CCDC91: variants seen among roughly 807,000 people sequenced by gnomAD.
CCDC91 encodes coiled-coil domain containing 91.
Under a neutral mutation model 63.2 loss-of-function variants are expected in CCDC91, and 48 were observed. The observed-to-expected ratio is 0.76, with a 90% CI of 0.60 to 0.97. The LOEUF is 0.97. Ranked by LOEUF, CCDC91 falls within the 50% of genes least tolerant of loss-of-function variation. CCDC91 has a pLI of 0.00. For synonymous variants in CCDC91, 167 were observed against 165.8 expected, an observed-to-expected ratio of 1.01 and a Z score of -0.06; for missense variants, 500 against 494.6, an observed-to-expected ratio of 1.01 and a Z score of -0.10.
At chr12:28,380,340 T>G (rs1945221937) in intron 7 of CCDC91, among the ~76,000 whole-genome samples, 1 of 151,896 alleles carries the variant, frequency 6.6e-6, no homozygotes, top group African/African-American at 2.4e-5. Context: ...AAAAAAGATG[T>G]GTAGAGTTTA....
chr12:28,327,116 T>C (rs1157483391), intron 6 of CCDC91, among the ~76,000 whole-genome samples: 2 of 151,982 alleles, frequency 1.3e-5, no homozygotes, highest in East Asian at 1.9e-4. Flanking sequence ...CCAATACTTG[T>C]CATAGTGATA....
intron 11 of CCDC91, among the ~76,000 whole-genome samples, chr12:28,455,615 A>T (rs1211521760): frequency 6.6e-6 from 1 of 152,126 alleles, no homozygotes; most frequent in East Asian, 1.9e-4. Flanking sequence ...AAGTTTCATT[A>T]AGTTGCCTTT....
intron 3 of CCDC91, among the ~76,000 whole-genome samples, chr12:28,286,244 C>T (rs1054037647): frequency 1.3e-5 from 2 of 151,760 alleles, no homozygotes; most frequent in African/African-American, 4.8e-5. Flanking sequence ...TTCAAGGTTA[C>T]GTGTGAAGGT....
intron 12 of CCDC91, among the ~76,000 whole-genome samples, chr12:28,484,735 A>C (rs1951629494): frequency 6.6e-6 from 1 of 151,968 alleles, no homozygotes; most frequent in Non-Finnish European, 1.5e-5. Flanking sequence ...AAACTAATGG[A>C]TCTAACTTGA....
chr12:28,547,484 C>T (rs1943071128), intron 12 of CCDC91, among the ~76,000 whole-genome samples: 1 of 152,136 alleles, frequency 6.6e-6, no homozygotes, highest in East Asian at 1.9e-4. Context: ...GTGCCAGACC[C>T]CCTCTAGATG....
intron 1 of CCDC91, among the ~76,000 whole-genome samples, chr12:28,211,696 A>G (rs1251556793): frequency 6.6e-6 from 1 of 151,902 alleles, no homozygotes; most frequent in Non-Finnish European, 1.5e-5. Context: ...CTAGAAATTA[A>G]GGATCCCATT....
chr12:28,297,107 T>G (rs1241496956), intron 3 of CCDC91, among the ~76,000 whole-genome samples: 1 of 151,942 alleles, frequency 6.6e-6, no homozygotes, highest in Non-Finnish European at 1.5e-5. Flanking sequence ...AGTTACAAGA[T>G]ATAAAAATCA....
At chr12:28,442,136 G>T (rs1483503998) in intron 8 of CCDC91, among the ~76,000 whole-genome samples, 2 of 152,018 alleles carry the variant, frequency 1.3e-5, no homozygotes, top group African/African-American at 2.4e-5. Flanking sequence ...ATGTTTAAGT[G>T]TGAAAAGACC....
intron 3 of CCDC91, among the ~76,000 whole-genome samples, chr12:28,297,125 A>G (rs1239563678): frequency 6.6e-6 from 1 of 151,974 alleles, no homozygotes; most frequent in African/African-American, 2.4e-5. Context: ...TCATTATTTT[A>G]TTGGCATATT....
At chr12:28,207,181 A>G (rs1942920702) in intron 1 of CCDC91, among the ~76,000 whole-genome samples, 1 of 152,234 alleles carries the variant, frequency 6.6e-6, no homozygotes, top group Non-Finnish European at 1.5e-5. Context: ...TAAGAGTCTA[A>G]TGATAGTAGA....
chr12:28,280,991 T>TAAA (rs1948575970), intron 3 of CCDC91, among the ~76,000 whole-genome samples: 1 of 151,998 alleles, frequency 6.6e-6, no homozygotes, highest in South Asian at 2.1e-4. Flanking sequence ...AATAAATAAA[T>TAAA]AAAAAGATAT....
intron 6 of CCDC91, among the ~76,000 whole-genome samples, chr12:28,331,421 T>G (rs1485562220): frequency 6.6e-6 from 1 of 152,208 alleles, no homozygotes; most frequent in Non-Finnish European, 1.5e-5. Context: ...GCAAAAGTAT[T>G]GTATTCTATG....
rs530392632 is a variant in CCDC91 at position 28,463,263 on chromosome 12, C to T, written c.1101+10609C>T. 3.3e-5 allele frequency among the ~76,000 whole-genome samples: 5 copies of T among 152,242 alleles called. No individual in the cohort carries two copies. In the East Asian group the frequency reaches 7.7e-4, roughly 24 times the overall value. On this transcript the variant is annotated intron_variant, in intron 11 of 12. Transcript: ENST00000536442. The stretch of plus-strand genomic sequence containing the variant: ...CAGTGTTTGGTGGATATCAGTTTGA[C>T]AAATCGAAATGTTTTTTGGGACAGT...
At chr12:28,516,520 T>C (rs1268626044) in intron 12 of CCDC91, among the ~76,000 whole-genome samples, 1 of 151,912 alleles carries the variant, frequency 6.6e-6, no homozygotes, top group East Asian at 1.9e-4. Flanking sequence ...GAAAGATTGC[T>C]TGAGCCCTGA....
intron 11 of CCDC91, among the ~76,000 whole-genome samples, chr12:28,463,559 A>G (rs1334815188): frequency 1.3e-5 from 2 of 152,230 alleles, no homozygotes; most frequent in African/African-American, 4.8e-5. Context: ...CATAGCCCAC[A>G]TGATGGCAGT....
chr12:28,295,102 A>C (rs1949481504), intron 3 of CCDC91, among the ~76,000 whole-genome samples: 1 of 152,194 alleles, frequency 6.6e-6, no homozygotes. Context: ...ACTGATAGAC[A>C]TGAAATTCTG....
chr12:28,192,645 A>G (rs1941358926), intron 1 of CCDC91, among the ~76,000 whole-genome samples: 1 of 152,140 alleles, frequency 6.6e-6, no homozygotes, highest in Non-Finnish European at 1.5e-5. Flanking sequence ...CAGTATTTTA[A>G]GGATTTTTGG....
intron 12 of CCDC91, among the ~76,000 whole-genome samples, chr12:28,512,060 A>T (rs1238942605): frequency 4.0e-5 from 6 of 151,822 alleles, no homozygotes; most frequent in Non-Finnish European, 8.8e-5. Context: ...TCTTATTTTT[A>T]AAAAATCTCA....
chr12:28,370,689 C>T (rs1394207840), intron 7 of CCDC91, among the ~76,000 whole-genome samples: 1 of 152,200 alleles, frequency 6.6e-6, no homozygotes, highest in Non-Finnish European at 1.5e-5. Flanking sequence ...TAAAGAACTA[C>T]TTGAGACTGG....
Sources: allele counts gnomAD v4.1 joint callset (sites outside exome capture counted in the v4.1 genomes callset), GRCh38; gene constraint gnomAD v4.1.1; transcripts MANE v1.5; gene names NCBI Gene and HGNC (gene_info 2026-07-23, HGNC 2026-07-21).